ZNF722: variants seen among roughly 807,000 people sequenced by gnomAD.
ZNF722 encodes zinc finger protein 479 pseudogene.
At chr7:64,009,330 A>G in the ZNF722 span, among the ~76,000 whole-genome samples, 1 of 152,308 alleles carries the variant, frequency 6.6e-6, no homozygotes. Flanking sequence ...CAGTTTTCAA[A>G]GGGAATGCTG....
chr7:64,017,997 T>C, the ZNF722 span, among the ~76,000 whole-genome samples: 1 of 152,212 alleles, frequency 6.6e-6, no homozygotes, highest in South Asian at 2.1e-4. Context: ...TAAGAGATTG[T>C]TTATCAATTG....
chr7:64,016,408 A>C, the ZNF722 span, among the ~76,000 whole-genome samples: 1 of 152,008 alleles, frequency 6.6e-6, no homozygotes, highest in South Asian at 2.1e-4. Flanking sequence ...AAAACCTAAG[A>C]GAATTTATAT....
At chr7:64,006,127 G>A in the ZNF722 span, 33 of 683,952 alleles carry the variant, frequency 4.8e-5, no homozygotes, top group East Asian at 1.0e-3. Context: ...TAATTTTCTA[G>A]AATTTTCTAT....
the ZNF722 span, among the ~76,000 whole-genome samples, chr7:64,013,480 A>G: frequency 6.6e-6 from 1 of 152,038 alleles, no homozygotes; most frequent in South Asian, 2.1e-4. Context: ...GAGATTTTAT[A>G]AAACCTGTTA....
the ZNF722 span, among the ~76,000 whole-genome samples, chr7:64,013,469 A>G: frequency 3.3e-5 from 5 of 151,918 alleles, no homozygotes; most frequent in Admixed American, 2.6e-4. Context: ...ATGCTACATT[A>G]GAGATTTTAT....
At chr7:64,000,965 C>CTGGATTTGACCATGTTGGACAGGTTGGT in the ZNF722 span, among the ~76,000 whole-genome samples, 3 of 151,904 alleles carry the variant, frequency 2.0e-5, no homozygotes, top group Non-Finnish European at 4.4e-5. Context: ...TTAGTAGAGT[C>CTGGATTTGACCATGTTGGACAGGTTGGT]TGGATTTGAC....
chr7:64,005,051 C>T, the ZNF722 span, among the ~76,000 whole-genome samples: 1 of 152,122 alleles, frequency 6.6e-6, no homozygotes, highest in African/African-American at 2.4e-5. Context: ...ACATGTCCCG[C>T]ACTTTGGGAG....
chr7:64,014,985 G>A, the ZNF722 span: 3 of 1,222,174 alleles, frequency 2.5e-6, no homozygotes, highest in South Asian at 1.4e-5. Context: ...ATATTCATCT[G>A]AGTCTAGTAA....
chr7:64,005,590 T>G, the ZNF722 span: 4 of 977,196 alleles, frequency 4.1e-6, no homozygotes, highest in South Asian at 4.0e-5. Flanking sequence ...GTGTTTTTTG[T>G]TTTTGTTTTT....
chr7:63,998,874 C>G, the ZNF722 span: 1 of 1,432,826 alleles, frequency 7.0e-7, no homozygotes, highest in Non-Finnish European at 9.7e-7. Context: ...GCGTCCCGAG[C>G]TCCAGTTCTT....
the ZNF722 span, among the ~76,000 whole-genome samples, chr7:64,014,589 A>C: frequency 1.3e-5 from 2 of 152,064 alleles, no homozygotes. Flanking sequence ...CAGTTAAAAG[A>C]CTTCTTCATA....
chr7:64,010,475 T>C, the ZNF722 span, among the ~76,000 whole-genome samples: 1 of 152,188 alleles, frequency 6.6e-6, no homozygotes, highest in East Asian at 1.9e-4. Context: ...AGAACATCTT[T>C]ATTTCTGCCT....
At chr7:64,009,642 G>T in the ZNF722 span, among the ~76,000 whole-genome samples, 1 of 152,156 alleles carries the variant, frequency 6.6e-6, no homozygotes, top group Admixed American at 6.5e-5. Flanking sequence ...GATTCGGTTT[G>T]CCAGTATTTT....
chr7:64,014,947 A>G, the ZNF722 span: 1 of 1,066,958 alleles, frequency 9.4e-7, no homozygotes, highest in Non-Finnish European at 1.4e-6. Flanking sequence ...TGTGCCTTGT[A>G]TAATTTTATA....
At chr7:64,016,194 A>C in the ZNF722 span, 1 of 278,148 alleles carries the variant, frequency 3.6e-6, no homozygotes, top group East Asian at 8.5e-5. Flanking sequence ...GCTGCAGTGC[A>C]GTGGCACAAA....
the ZNF722 span, among the ~76,000 whole-genome samples, chr7:64,013,790 C>G: frequency 6.6e-6 from 1 of 151,950 alleles, no homozygotes; most frequent in Admixed American, 6.6e-5. Context: ...GTGGAAAGAC[C>G]TCTTTTCAGC....
chr7:64,007,081 G>T, the ZNF722 span, among the ~76,000 whole-genome samples: 1 of 151,420 alleles, frequency 6.6e-6, no homozygotes. Context: ...CATCAACATA[G>T]TTGGTGTTTT....
the ZNF722 span, chr7:64,015,877 A>G: frequency 1.9e-6 from 3 of 1,573,042 alleles, no homozygotes; most frequent in South Asian, 2.2e-5. Flanking sequence ...CTTGCTAAAC[A>G]TAAGATAATT....
At chr7:64,018,044 A>G in the ZNF722 span, among the ~76,000 whole-genome samples, 1 of 152,104 alleles carries the variant, frequency 6.6e-6, no homozygotes, top group South Asian at 2.1e-4. Context: ...ATTTAACTTA[A>G]TTTTTCATTA....
Sources: gnomAD v4.1 joint callset for allele counts (sites outside exome capture counted in the v4.1 genomes callset) on GRCh38, gnomAD v4.1.1 for gene constraint, MANE v1.5 for transcripts, NCBI Gene and HGNC (gene_info 2026-07-23, HGNC 2026-07-21) for gene names.